The following DNMT1 variants were observed in gnomAD, a reference collection of about 807,000 sequenced individuals.
DNMT1 encodes DNA (cytosine-5)-methyltransferase 1.
In DNMT1, 24 loss-of-function variants were observed where a neutral mutation model predicts 205.3. That is an observed-to-expected ratio of 0.12 (90% CI 0.08 to 0.16). DNMT1 has a LOEUF of 0.16. DNMT1 is among the 10% of genes least tolerant of loss of function. The probability of loss-of-function intolerance (pLI) is 1.00; values close to 1 mark genes in which losing one functional copy is unlikely to be tolerated. For missense variants in DNMT1, 1,293 were observed against 2,177.7 expected, an observed-to-expected ratio of 0.59 and a Z score of 8.09; for synonymous variants, 817 against 839.8, an observed-to-expected ratio of 0.97 and a Z score of 0.47.
chr19:10,167,699 T>TA (rs1290750675), intron 10 of DNMT1, among the ~76,000 whole-genome samples: 1 of 152,234 alleles, frequency 6.6e-6, no homozygotes, highest in Admixed American at 6.5e-5. Context: ...CTCACTGTTC[T>TA]AGGCCTCTGG....
chr19:10,184,149 A>C (rs2039133203), intron 1 of DNMT1, among the ~76,000 whole-genome samples: 1 of 152,196 alleles, frequency 6.6e-6, no homozygotes, highest in African/African-American at 2.4e-5. Flanking sequence ...TGGGTCTGAC[A>C]ACAGCCCATA....
Position 10,163,380 on chromosome 19 carries a change from G to C in DNMT1, c.892-20C>G. The C allele has an allele frequency of 1.2e-6, 2 of 1,613,248 alleles. No homozygotes were observed. The highest frequency in any genetic ancestry group is 1.7e-6 in the Non-Finnish European group (2 of 1,179,376). ...CTCATCCTGACAGAAAAATAAGGGG[G>C]AGGTAGAGAGATAAAGAAGGGAAAA... On this transcript the variant is annotated intron_variant, in intron 11 of 40. Transcript: ENST00000359526.
intron 2 of DNMT1, 55 bp from the exon 3 acceptor site, chr19:10,180,940 G>T: frequency 1.4e-6 from 2 of 1,420,354 alleles, no homozygotes; most frequent in Non-Finnish European, 2.0e-6. Flanking sequence ...ATTCACTAGT[G>T]GACTAATACA....
At chr19:10,163,395 A>G (rs758519089) in intron 11 of DNMT1, 35 bp from the exon 12 acceptor site, 3 of 1,610,054 alleles carry the variant, frequency 1.9e-6, no homozygotes, top group Non-Finnish European at 8.5e-7. Context: ...AGAGAGATAA[A>G]GAAGGGAAAA....
intron 4 of DNMT1, 53 bp downstream of exon 4, chr19:10,180,297 G>T: frequency 6.3e-7 from 1 of 1,589,548 alleles, no homozygotes; most frequent in South Asian, 1.1e-5. Context: ...GGGCAACACA[G>T]TGAGACTCCA....
chr19:10,159,098 G>A lies in DNMT1; in HGVS notation c.1280+560C>T, dbSNP rs994540741. On this transcript the variant is annotated intron_variant, in intron 17 of 40. Coordinates refer to ENST00000359526, the MANE Select transcript of DNMT1 (RefSeq NM_001130823.3). This position sits in a 1 kb window ranked among gnomAD's most constrained non-coding sequence, Gnocchi z 5.0. ...GATCACTGGTACCTAGCACAGAGTA[G>A]GCCTTCATCTGAGCGTGTGACCCTC... 2.0e-5 allele frequency among the ~76,000 whole-genome samples: 3 copies of A among 152,168 alleles called. No homozygotes were observed. Among genetic ancestry groups the A allele is most frequent in the Admixed American group, 6.6e-5 (1 of 15,264 alleles).
intron 1 of DNMT1, among the ~76,000 whole-genome samples, chr19:10,184,157 A>G (rs957577645): frequency 1.3e-5 from 2 of 152,226 alleles, no homozygotes; most frequent in African/African-American, 4.8e-5. Context: ...ACAACAGCCC[A>G]TAACAAGGTG....
intron 9 of DNMT1, among the ~76,000 whole-genome samples, chr19:10,171,035 T>C (rs1297609483): frequency 6.6e-6 from 1 of 152,034 alleles, no homozygotes; most frequent in African/African-American, 2.4e-5. Context: ...CCTGAACTCC[T>C]GAGCTCAAGC....
At position 10,180,494 on chromosome 19, in the gene DNMT1, G is replaced by A. The variant is rs369196079; in HGVS notation, c.301C>T (p.Arg101Trp). The A allele has an allele frequency of 8.7e-5, 140 of 1,613,936 alleles. No homozygotes were observed. The highest frequency in any genetic ancestry group is 2.1e-4 in the African/African-American group (16 of 74,874). Residue 101 changes from arginine to tryptophan, a missense_variant, in exon 4 of 41, where the codon CGG becomes TGG. Physicochemically the swap from Arg to Trp is moderately radical, Grantham distance 101 (BLOSUM62 -3). Transcript: ENST00000359526. Reference protein sequence around the residue: ...SLENGAHAYNREVNGRLENGN... With the variant: ...SLENGAHAYNWEVNGRLENGN... ...TTTTCTAGACGTCCATTCACTTCCC[G>A]GTTGTAAGCATGAGCACCGTTCTCC...
Position 10,180,507 on chromosome 19 carries a change from A to C in DNMT1, c.288T>G (p.Ala96=). ...CATTCACTTCCCGGTTGTAAGCATG[A>C]GCACCGTTCTCCAAGGACAAATCTT... ...LNKDLSLENG[A]HAYNREVNGR... The change falls in exon 4 of 41, where the codon GCT becomes GCG. Residue 96 remains alanine (A), a synonymous_variant. Transcript: ENST00000359526. 1 of 1,614,150 alleles carries C rather than the reference A, an allele frequency of 6.2e-7. No individual in the cohort carries two copies. Among genetic ancestry groups the C allele is most frequent in the Non-Finnish European group, 8.5e-7 (1 of 1,180,036 alleles).
chr19:10,145,696 T>G (rs770986657), intron 28 of DNMT1, among the ~76,000 whole-genome samples: 6 of 152,158 alleles, frequency 3.9e-5, no homozygotes, highest in Admixed American at 2.0e-4. Flanking sequence ...CACTCAACCC[T>G]TCGAGCCCCA....
chr19:10,175,312 C>A (rs2038918644), intron 7 of DNMT1, among the ~76,000 whole-genome samples: 1 of 151,842 alleles, frequency 6.6e-6, no homozygotes, highest in African/African-American at 2.4e-5. Context: ...CCCATAAAAA[C>A]AAGAAAAAAA....
chr19:10,149,352 AC>A (rs1401310465), intron 26 of DNMT1, 100 bp downstream of exon 26: 12 of 1,439,584 alleles, frequency 8.3e-6, no homozygotes, highest in East Asian at 6.9e-5. Flanking sequence ...CAAAAAAAAA[AC>A]CAAATTAAAA....
chr19:10,194,713 C>G, intron 1 of DNMT1, 107 bp downstream of exon 1: 1 of 1,420,698 alleles, frequency 7.0e-7, no homozygotes, highest in Non-Finnish European at 9.3e-7. Context: ...CCCACGCATG[C>G]GCGCCCGTCT....
At chr19:10,163,712 A>C (rs575000104) in intron 11 of DNMT1, among the ~76,000 whole-genome samples, 1 of 152,282 alleles carries the variant, frequency 6.6e-6, no homozygotes, top group East Asian at 1.9e-4. Flanking sequence ...CCCACAGGCA[A>C]AATGTAAATG....
chr19:10,191,394 G>C (rs1264103311), intron 1 of DNMT1, among the ~76,000 whole-genome samples: 1 of 150,080 alleles, frequency 6.7e-6, no homozygotes, highest in Non-Finnish European at 1.5e-5. Flanking sequence ...TGTGGAGTGA[G>C]TCATATAAAC....
rs1568228394 is a variant in DNMT1, at chr19:10,146,791, C to T, written c.2721-267G>A. On this transcript the variant is annotated intron_variant, in intron 27 of 40. Transcript: ENST00000359526. The surrounding 1 kb of genome is among the most constrained non-coding windows in gnomAD (Gnocchi z 4.4). ...ACCCTAAGATATCAATGAACAGGGT[C>T]TAGAATATGGTTAAGAACACACCAC... Among the ~76,000 whole-genome samples the T allele has an allele frequency of 6.6e-6, 1 of 152,130 alleles. No homozygotes were observed. The highest frequency in any genetic ancestry group is 1.9e-4 in the East Asian group (1 of 5,202).
intron 30 of DNMT1, chr19:10,141,770 G>C: frequency 1.9e-6 from 1 of 526,232 alleles, no homozygotes; most frequent in Non-Finnish European, 3.4e-6. Flanking sequence ...TAAAACGTTA[G>C]GTTCTCTAAT....
intron 13 of DNMT1, among the ~76,000 whole-genome samples, chr19:10,160,865 C>A (rs778032030): frequency 6.6e-6 from 1 of 152,042 alleles, no homozygotes; most frequent in African/African-American, 2.4e-5. Context: ...CCAGCCTGGG[C>A]GACAGAGTGA....
Sources: gnomAD v4.1 joint callset for allele counts (sites outside exome capture counted in the v4.1 genomes callset) on GRCh38, gnomAD v4.1.1 for gene constraint, Gnocchi (gnomAD v3.1) non-coding constraint, MANE v1.5 for transcripts, NCBI Gene and HGNC (gene_info 2026-07-23, HGNC 2026-07-21) for gene names.